The following GUCY1A2 variants were observed in gnomAD, a reference collection of about 807,000 sequenced individuals.
The protein encoded by GUCY1A2 is guanylate cyclase 1 soluble subunit alpha 2, also known as guanylate cyclase soluble subunit alpha-2.
In GUCY1A2, 27 loss-of-function variants were observed where a neutral mutation model predicts 63.5. That is an observed-to-expected ratio of 0.43 (90% CI 0.31 to 0.59). The LOEUF is 0.59. Among genes scored for constraint, GUCY1A2 ranks in the 20% least tolerant of loss-of-function variants. The pLI is 0.11. For missense variants in GUCY1A2, 768 were observed against 913.3 expected (o/e 0.84, Z 2.05); for synonymous variants, 364 against 343.5 (o/e 1.06, Z -0.66).
chr11:106,812,405 CTT>C (rs1858773885), intron 4 of GUCY1A2, among the ~76,000 whole-genome samples: 1 of 151,588 alleles, frequency 6.6e-6, no homozygotes, highest in Non-Finnish European at 1.5e-5. Context: ...ACCCTCCTCT[CTT>C]TATTTGGTGT....
intron 4 of GUCY1A2, among the ~76,000 whole-genome samples, chr11:106,904,308 G>T (rs762677263): frequency 1.1e-4 from 16 of 152,064 alleles, no homozygotes; most frequent in South Asian, 2.1e-4. Context: ...TTTATCATAA[G>T]AAGTTTTCAC....
At chr11:106,926,040 T>C (rs1860516994) in intron 4 of GUCY1A2, among the ~76,000 whole-genome samples, 1 of 152,166 alleles carries the variant, frequency 6.6e-6, no homozygotes, top group African/African-American at 2.4e-5. Flanking sequence ...AGTGTAAGTA[T>C]AATGAGTCAA....
intron 3 of GUCY1A2, among the ~76,000 whole-genome samples, chr11:106,956,919 A>T (rs1345652840): frequency 6.6e-6 from 1 of 152,170 alleles, no homozygotes; most frequent in African/African-American, 2.4e-5. Flanking sequence ...GACTGTGGCC[A>T]TCCCTCTCCC....
At chr11:106,963,803 G>A (rs574662191) in intron 3 of GUCY1A2, among the ~76,000 whole-genome samples, 19 of 152,158 alleles carry the variant, frequency 1.2e-4, no homozygotes, top group South Asian at 2.1e-4. Context: ...GGTGATGTCC[G>A]TTTGTTTTTA....
chr11:106,833,234 GAGAAACTTATCTGTAA>G (rs1295012219), intron 4 of GUCY1A2, among the ~76,000 whole-genome samples: 7 of 152,132 alleles, frequency 4.6e-5, no homozygotes, highest in Admixed American at 3.9e-4. Context: ...AGAAATAATA[GAGAAACTTATCTGTAA>G]AGAAACTTAT....
chr11:106,995,781 C>T (rs1217977275), intron 1 of GUCY1A2, among the ~76,000 whole-genome samples: 1 of 152,172 alleles, frequency 6.6e-6, no homozygotes, highest in Non-Finnish European at 1.5e-5. Flanking sequence ...TGCCTTACAG[C>T]CCAAAGATGC....
intron 4 of GUCY1A2, among the ~76,000 whole-genome samples, chr11:106,898,891 T>C (rs1239778859): frequency 1.3e-5 from 2 of 152,172 alleles, no homozygotes; most frequent in African/African-American, 4.8e-5. Context: ...TAATGAATTG[T>C]AACAAATGTA....
intron 4 of GUCY1A2, among the ~76,000 whole-genome samples, chr11:106,870,408 T>C (rs996209995): frequency 2.6e-5 from 4 of 152,150 alleles, no homozygotes; most frequent in African/African-American, 9.6e-5. Flanking sequence ...TTTTATTTTA[T>C]AGTTGTATGT....
intron 4 of GUCY1A2, chr11:106,824,682 C>T (rs1011032437): frequency 3.5e-6 from 3 of 869,454 alleles, no homozygotes; most frequent in Middle Eastern, 3.5e-4. Context: ...AAAAACTAGA[C>T]CCCTGTATAC....
chr11:106,862,381 G>T (rs1000961112), intron 4 of GUCY1A2, among the ~76,000 whole-genome samples: 1 of 151,852 alleles, frequency 6.6e-6, no homozygotes, highest in African/African-American at 2.4e-5. Flanking sequence ...GAGGTTAAAT[G>T]GTAGCTGATA....
intron 6 of GUCY1A2, among the ~76,000 whole-genome samples, chr11:106,745,807 TTTC>T (rs1863777386): frequency 1.3e-5 from 2 of 152,200 alleles, no homozygotes; most frequent in Non-Finnish European, 1.5e-5. Context: ...TCTTCAAACA[TTTC>T]TTAAATCCTA....
At chr11:106,750,283 G>C (rs552094650) in intron 6 of GUCY1A2, among the ~76,000 whole-genome samples, 1 of 152,164 alleles carries the variant, frequency 6.6e-6, no homozygotes, top group African/African-American at 2.4e-5. Context: ...TCTTCCCCCT[G>C]CTTTATTCTA....
chr11:106,941,975 C>T (rs1419209898), intron 3 of GUCY1A2, among the ~76,000 whole-genome samples: 1 of 152,158 alleles, frequency 6.6e-6, no homozygotes, highest in African/African-American at 2.4e-5. Context: ...TGTCACATTG[C>T]CAGGTTACAA....
At chr11:106,940,895 T>C (rs1451334279) in intron 3 of GUCY1A2, among the ~76,000 whole-genome samples, 1 of 152,204 alleles carries the variant, frequency 6.6e-6, no homozygotes, top group Non-Finnish European at 1.5e-5. Context: ...ATTATGTCCA[T>C]ATTACATCCA....
At chr11:106,850,748 G>A (rs1037590897) in intron 4 of GUCY1A2, among the ~76,000 whole-genome samples, 1 of 151,906 alleles carries the variant, frequency 6.6e-6, no homozygotes, top group Non-Finnish European at 1.5e-5. Flanking sequence ...TCCATTGATT[G>A]ACATTTAGGT....
chr11:107,001,674 G>A (rs1861614856), intron 1 of GUCY1A2, among the ~76,000 whole-genome samples: 1 of 149,900 alleles, frequency 6.7e-6, no homozygotes, highest in African/African-American at 2.5e-5. Flanking sequence ...ACATTTGTGT[G>A]GTATACTTAA....
At position 106,676,891 on chromosome 11, in the gene GUCY1A2, A is replaced by G. The variant is rs78329189; in HGVS notation, c.*10658T>C. On this transcript the variant is annotated 3_prime_UTR_variant, in exon 8 of 8. Transcript: ENST00000526355. ...ATTGTCCAAACAGATTGACCCTGAT[A>G]CTTCTTGAAAAAGTGTTTAAATTCA... 2.3e-3 allele frequency: 480 copies of G among 204,676 alleles called. 3 individuals carry two copies. The highest frequency in any genetic ancestry group is 0.01 in the African/African-American group (454 of 43,846). 12.7% of individuals were successfully genotyped at this position (204,676 alleles called of 1,614,324 possible).
At chr11:106,977,048 T>G (rs529651280) in intron 3 of GUCY1A2, among the ~76,000 whole-genome samples, 1 of 152,252 alleles carries the variant, frequency 6.6e-6, no homozygotes, top group African/African-American at 2.4e-5. Flanking sequence ...ACACCTCCTA[T>G]TCCCTCTAAC....
In GUCY1A2 at chr11:106,855,413, C is replaced by A. The variant is rs142124363; in HGVS notation, c.1207-44935G>T. ...TCAGAGGGTCCCTGTCACTTCCTTG[C>A]TGAATTTCAGTGTTCTCTTAGATAC... On this transcript the variant is annotated intron_variant, in intron 4 of 7. Transcript: ENST00000526355. 1.2e-3 allele frequency among the ~76,000 whole-genome samples: 189 copies of A among 152,266 alleles called. 5 individuals are homozygous for A. The East Asian group carries it at 0.027, about 22-fold the overall frequency.
Sources: gnomAD v4.1 joint callset for allele counts (sites outside exome capture counted in the v4.1 genomes callset) on GRCh38, gnomAD v4.1.1 for gene constraint, MANE v1.5 for transcripts, NCBI Gene and HGNC (gene_info 2026-07-23, HGNC 2026-07-21) for gene names.